Variants in NRXN1 observed in about 807,000 individuals in gnomAD.
The protein encoded by NRXN1 is neurexin-1.
A neutral mutation model predicts 150.9 loss-of-function variants in NRXN1; 39 were observed. The observed-to-expected ratio is 0.26, with a 90% confidence interval of 0.20 to 0.34. The LOEUF is 0.34. Ranked by LOEUF, NRXN1 falls within the 10% of genes least tolerant of loss-of-function variation. The probability of loss-of-function intolerance (pLI) is 1.00; values close to 1 mark genes in which losing one functional copy is unlikely to be tolerated. For synonymous variants in NRXN1, 924 were observed against 757.0 expected, an observed-to-expected ratio of 1.22 and a Z score of -3.62; for missense variants, 1,815 against 1,949.9, an observed-to-expected ratio of 0.93 and a Z score of 1.30.
chr2:50,183,701 G>T (rs2060885896), intron 18 of NRXN1, among the ~76,000 whole-genome samples: 1 of 149,078 alleles, frequency 6.7e-6, no homozygotes, highest in Non-Finnish European at 1.5e-5. Context: ...AAAGACCAGG[G>T]ATGCTGCTAA....
Position 49,920,194 on chromosome 2 carries a change from A to G in NRXN1, c.*1750T>C, listed in dbSNP as rs190000650. 2 of 152,326 alleles carry G rather than the reference A, an allele frequency of 1.3e-5. No individual in the cohort carries two copies. 9.4% of individuals were successfully genotyped at this position (152,326 alleles called of 1,614,324 possible). On this transcript the variant is annotated 3_prime_UTR_variant, in exon 23 of 23. Coordinates refer to ENST00000401669, the MANE Select transcript of NRXN1 (RefSeq NM_001330078.2). The stretch of plus-strand genomic sequence containing the variant: ...AAACTAAAACTATATTTAATGATAT[A>G]TATGTAAAACCAGAAAAGTTAAAAC...
At chr2:50,210,981 C>T (rs1171566417) in intron 18 of NRXN1, among the ~76,000 whole-genome samples, 1 of 151,510 alleles carries the variant, frequency 6.6e-6, no homozygotes, top group African/African-American at 2.4e-5. Context: ...TCCCAAACAA[C>T]AAAATGACAC....
chr2:50,983,834 T>A (rs954578684), intron 2 of NRXN1, among the ~76,000 whole-genome samples: 1 of 152,138 alleles, frequency 6.6e-6, no homozygotes, highest in Admixed American at 6.6e-5. Context: ...AGGAAGTATC[T>A]TAAAGGCAAT....
intron 17 of NRXN1, among the ~76,000 whole-genome samples, chr2:50,308,583 G>A (rs2074870841): frequency 6.6e-6 from 1 of 152,034 alleles, no homozygotes; most frequent in Admixed American, 6.6e-5. Context: ...CTAACGCCTG[G>A]CATCAAGGGA....
At chr2:50,822,668 A>T (rs1669907243) in intron 5 of NRXN1, among the ~76,000 whole-genome samples, 1 of 152,156 alleles carries the variant, frequency 6.6e-6, no homozygotes, top group Non-Finnish European at 1.5e-5. Context: ...TTTTAAATTT[A>T]TGATAAGATA....
At chr2:50,829,586 G>C (rs974087527) in intron 5 of NRXN1, 1 of 1,612,020 alleles carries the variant, frequency 6.2e-7, no homozygotes, top group Non-Finnish European at 8.5e-7. Flanking sequence ...TGTAGCCATC[G>C]TCTGTGCTGG....
At chr2:50,652,317 C>T (rs1306046442) in intron 5 of NRXN1, among the ~76,000 whole-genome samples, 1 of 152,006 alleles carries the variant, frequency 6.6e-6, no homozygotes, top group African/African-American at 2.4e-5. Context: ...TGTTATGCAA[C>T]CATCATTGCA....
At chr2:50,751,727 T>TA (rs1481157839) in intron 5 of NRXN1, among the ~76,000 whole-genome samples, 1 of 151,988 alleles carries the variant, frequency 6.6e-6, no homozygotes, top group Non-Finnish European at 1.5e-5. Context: ...ACAGCCTACT[T>TA]ACCCATGGCC....
intron 15 of NRXN1, among the ~76,000 whole-genome samples, chr2:50,491,337 A>G (rs1442845467): frequency 2.0e-5 from 3 of 152,234 alleles, no homozygotes; most frequent in Non-Finnish European, 4.4e-5. Context: ...GAGATCAAGA[A>G]GAAAAGAGCA....
chr2:50,231,839 G>T (rs1302900105), intron 18 of NRXN1, among the ~76,000 whole-genome samples: 1 of 148,054 alleles, frequency 6.8e-6, no homozygotes, highest in African/African-American at 2.6e-5. Context: ...TGACAACATT[G>T]GTAAAATTTC....
At chr2:50,733,331 TA>T (rs1299745809) in intron 5 of NRXN1, among the ~76,000 whole-genome samples, 4 of 152,172 alleles carry the variant, frequency 2.6e-5, no homozygotes, top group Admixed American at 6.5e-5. Context: ...ATATTTTTTT[TA>T]TTGCTCACAT....
Position 50,280,267 on chromosome 2 carries a change from G to A in NRXN1, c.3365-43297C>T, listed in dbSNP as rs371849382. ...CACTCCAGCCTGGGTCACAGAGCAAGAATCAGTCTCAAAAAAAAAAAAAAA... is the reference window on the plus strand; with the variant it reads ...CACTCCAGCCTGGGTCACAGAGCAAAAATCAGTCTCAAAAAAAAAAAAAAA... On this transcript the variant is annotated intron_variant, in intron 17 of 22. Coordinates refer to ENST00000401669, the MANE Select transcript of NRXN1 (RefSeq NM_001330078.2). 2.9e-3 allele frequency among the ~76,000 whole-genome samples: 278 copies of A among 97,300 alleles called. 1 individual carries two copies. The highest frequency in any genetic ancestry group is 0.025 in the Middle Eastern group (3 of 118). 63.8% of individuals were successfully genotyped at this position (97,300 alleles called of 152,430 possible).
intron 2 of NRXN1, among the ~76,000 whole-genome samples, chr2:50,994,452 A>T (rs939613219): frequency 6.6e-6 from 1 of 152,048 alleles, no homozygotes. Flanking sequence ...AAGTCCCTAT[A>T]TTATCACGAC....
chr2:49,985,767 G>A (rs1680802656), intron 21 of NRXN1, among the ~76,000 whole-genome samples: 1 of 152,168 alleles, frequency 6.6e-6, no homozygotes, highest in Admixed American at 6.5e-5. Flanking sequence ...TCATGCAAAT[G>A]AGTGAGAATG....
chr2:50,216,998 C>T (rs2063446804), intron 18 of NRXN1, among the ~76,000 whole-genome samples: 1 of 152,012 alleles, frequency 6.6e-6, no homozygotes. Flanking sequence ...AAACAGCTTC[C>T]CAGTAATACT....
intron 8 of NRXN1, among the ~76,000 whole-genome samples, chr2:50,569,816 A>G (rs554134552): frequency 6.6e-6 from 1 of 152,338 alleles, no homozygotes; most frequent in Admixed American, 6.5e-5. Context: ...TGTATCAGAC[A>G]GCCAATGTCA....
At chr2:50,112,938 G>C (rs1702571898) in intron 18 of NRXN1, among the ~76,000 whole-genome samples, 1 of 152,052 alleles carries the variant, frequency 6.6e-6, no homozygotes, top group South Asian at 2.1e-4. Context: ...TGGAACACAA[G>C]ACATCTGGTG....
At chr2:50,986,329 T>G (rs1032127918) in intron 2 of NRXN1, among the ~76,000 whole-genome samples, 1 of 151,732 alleles carries the variant, frequency 6.6e-6, no homozygotes, top group African/African-American at 2.4e-5. Flanking sequence ...TAAAAAATAT[T>G]CGTAGATGAA....
rs376667644 is a variant in NRXN1, at chr2:50,595,092, GC to G, written c.1320+24929del. The stretch of plus-strand genomic sequence containing the variant: ...ATTGGGAAAGCTGGTATGTTGGGGT[GC>G]ACAAACATGGGGTGTGTATTGTTAT... On this transcript the variant is annotated intron_variant, in intron 8 of 22. Transcript: ENST00000401669. 2.7e-3 allele frequency among the ~76,000 whole-genome samples: 390 copies of G among 141,928 alleles called. 1 individual carries two copies. The highest frequency in any genetic ancestry group is 9.0e-3 in the African/African-American group (368 of 40,956). The allele number at this position is 141,928 out of a possible 152,430, so 93.1% of individuals were successfully genotyped here. A position where few individuals can be genotyped will look rare whatever the true frequency, so the allele number is the denominator to read the frequency against.
Sources: gnomAD v4.1 joint callset for allele counts (sites outside exome capture counted in the v4.1 genomes callset) on GRCh38, gnomAD v4.1.1 for gene constraint, MANE v1.5 for transcripts, NCBI Gene and HGNC (gene_info 2026-07-23, HGNC 2026-07-21) for gene names.